CACNA1E: variants seen among roughly 807,000 people sequenced by gnomAD.
CACNA1E encodes the protein calcium voltage-gated channel subunit alpha1 E.
Under a neutral mutation model 259.2 loss-of-function variants are expected in CACNA1E, and 40 were observed. The observed-to-expected ratio is 0.15, with a 90% CI of 0.12 to 0.20. CACNA1E has a LOEUF of 0.20. CACNA1E is among the 10% of genes least tolerant of loss of function. CACNA1E has a pLI of 1.00. For synonymous variants in CACNA1E, 1,104 were observed against 1,138.5 expected (o/e 0.97, Z 0.61); for missense variants, 1,874 against 3,040.1 (o/e 0.62, Z 9.02).
intron 1 of CACNA1E, among the ~76,000 whole-genome samples, chr1:181,505,720 G>T: frequency 6.6e-6 from 1 of 151,682 alleles, no homozygotes; most frequent in East Asian, 1.9e-4. Context: ...ATGTATGCTG[G>T]TTTATTTTCT....
intron 3 of CACNA1E, among the ~76,000 whole-genome samples, chr1:181,573,531 G>A (rs1311200687): frequency 6.6e-6 from 1 of 152,164 alleles, no homozygotes; most frequent in Non-Finnish European, 1.5e-5. Flanking sequence ...TGAGAACTGG[G>A]AAGATCCCAC....
rs1656026146 is a variant in CACNA1E, at chr1:181,736,306, C to T, written c.3294C>T (p.Pro1098=). 6.2e-7 allele frequency: 1 copy of T among 1,600,208 alleles called. No homozygotes were observed. ...ACAAGACGGATGGGGAAGCCAGTCC[C>T]TTGAAGGAGGCAGAGATCAGAGAGG... ...ISNKTDGEAS[P]LKEAEIREDE... is the part of the protein sequence containing the mutation. Residue 1098 remains proline, a synonymous_variant, in exon 22 of 48, where the codon CCC becomes CCT. Transcript: ENST00000367573.
At chr1:181,520,774 A>G (rs960332895) in intron 3 of CACNA1E, among the ~76,000 whole-genome samples, 3 of 152,224 alleles carry the variant, frequency 2.0e-5, no homozygotes, top group Non-Finnish European at 2.9e-5. Flanking sequence ...TAAAAGTTGA[A>G]ACAAAGGCCT....
At chr1:181,488,448 A>G (rs774839490) in intron 1 of CACNA1E, among the ~76,000 whole-genome samples, 2 of 152,186 alleles carry the variant, frequency 1.3e-5, no homozygotes, top group Non-Finnish European at 2.9e-5. Context: ...CTGGTACTGG[A>G]GCTGTAGGAG....
At chr1:181,783,933 C>A in intron 40 of CACNA1E, 149 bp downstream of exon 40, 1 of 558,040 alleles carries the variant, frequency 1.8e-6, no homozygotes, top group Non-Finnish European at 3.3e-6. Flanking sequence ...GACTCAATAA[C>A]TAATAATTGC....
intron 7 of CACNA1E, among the ~76,000 whole-genome samples, chr1:181,698,621 G>A (rs1046739204): frequency 3.3e-5 from 5 of 151,860 alleles, no homozygotes; most frequent in Admixed American, 1.3e-4. Flanking sequence ...TGTATTGTAC[G>A]AATCCTCATG....
chr1:181,405,318 C>T (rs1179844813), intron 1 of CACNA1E, among the ~76,000 whole-genome samples: 1 of 152,180 alleles, frequency 6.6e-6, no homozygotes, highest in Non-Finnish European at 1.5e-5. Context: ...GATTTTGCAG[C>T]ATTGCAGATG....
At chr1:181,448,006 G>T (rs1660903741) in intron 2 of CACNA1E, among the ~76,000 whole-genome samples, 1 of 152,162 alleles carries the variant, frequency 6.6e-6, no homozygotes, top group Non-Finnish European at 1.5e-5. Flanking sequence ...TTAGATAAGA[G>T]ATTATGTAAT....
intron 10 of CACNA1E, among the ~76,000 whole-genome samples, chr1:181,716,650 T>A (rs1482996909): frequency 6.6e-6 from 1 of 152,164 alleles, no homozygotes; most frequent in African/African-American, 2.4e-5. Context: ...GGCAGGTTTT[T>A]CCTCCCCAGA....
rs143725912 is a variant in CACNA1E, at chr1:181,540,313, A to G, written c.512+28803A>G. 2.0e-4 allele frequency among the ~76,000 whole-genome samples: 30 copies of G among 152,190 alleles called. No homozygotes were observed. The East Asian group carries it at 5.8e-3, about 29-fold the overall frequency. On this transcript the variant is annotated intron_variant, in intron 3 of 47. Transcript: ENST00000367573. Reference sequence around the variant, plus strand: ...CTGATTCCCCTGTGTTTACTACCCTAATCTCTGTGCTCTATGGCAACATGG... The same window carrying G: ...CTGATTCCCCTGTGTTTACTACCCTGATCTCTGTGCTCTATGGCAACATGG...
At chr1:181,364,988 G>T (rs969371733) in intron 1 of CACNA1E, among the ~76,000 whole-genome samples, 3 of 152,276 alleles carry the variant, frequency 2.0e-5, no homozygotes, top group Admixed American at 2.0e-4. Flanking sequence ...GCGTTCGTTA[G>T]CCAAGCCACC....
At chr1:181,731,057 G>T in intron 18 of CACNA1E, 118 bp from the exon 19 acceptor site, 1 of 746,204 alleles carries the variant, frequency 1.3e-6, no homozygotes, top group South Asian at 1.5e-5. Context: ...CAGGCACATG[G>T]AGACCTGATG....
chr1:181,648,782 G>A (rs775397103), intron 6 of CACNA1E, among the ~76,000 whole-genome samples: 4 of 152,190 alleles, frequency 2.6e-5, no homozygotes, highest in Non-Finnish European at 5.9e-5. Flanking sequence ...TATCTTAAAA[G>A]TCACAATTTC....
intron 6 of CACNA1E, among the ~76,000 whole-genome samples, chr1:181,597,684 A>G (rs1405542666): frequency 6.6e-6 from 1 of 152,178 alleles, no homozygotes; most frequent in Non-Finnish European, 1.5e-5. Flanking sequence ...AGACTGGGCA[A>G]TTTACAAATG....
In CACNA1E at chr1:181,758,232, T is replaced by G; in HGVS notation, c.4494+121T>G. ...CTTTACCTACTTTTCCATCATTGAATCCTTTTGTGATCTTATTTTGTTCAA... is the reference window on the plus strand; with the variant it reads ...CTTTACCTACTTTTCCATCATTGAAGCCTTTTGTGATCTTATTTTGTTCAA... On this transcript the variant is annotated intron_variant, in intron 31 of 47. Coordinates refer to ENST00000367573, the MANE Select transcript of CACNA1E (RefSeq NM_001205293.3). This position sits in a 1 kb window ranked among gnomAD's most constrained non-coding sequence, Gnocchi z 4.2. The G allele has an allele frequency of 1.1e-6, 1 of 928,566 alleles. No homozygotes were observed. Among genetic ancestry groups the G allele is most frequent in the Non-Finnish European group, 1.6e-6 (1 of 615,360 alleles). The allele number at this position is 928,566 out of a possible 1,614,324, so 57.5% of individuals were successfully genotyped here. A position where few individuals can be genotyped will look rare whatever the true frequency, so the allele number is the denominator to read the frequency against.
At chr1:181,416,016 C>T (rs1468517122) in intron 2 of CACNA1E, among the ~76,000 whole-genome samples, 2 of 152,230 alleles carry the variant, frequency 1.3e-5, no homozygotes, top group Non-Finnish European at 2.9e-5. Flanking sequence ...AAGCCCAAAT[C>T]TGTCTCTCTG....
intron 43 of CACNA1E, among the ~76,000 whole-genome samples, chr1:181,790,221 C>T (rs575541979): frequency 2.9e-4 from 44 of 151,430 alleles, no homozygotes; most frequent in African/African-American, 1.0e-3. Flanking sequence ...TGCTAGCCCC[C>T]GGCAGAATAA....
intron 27 of CACNA1E, among the ~76,000 whole-genome samples, chr1:181,753,994 G>A (rs1340887706): frequency 6.6e-6 from 1 of 152,122 alleles, no homozygotes; most frequent in Non-Finnish European, 1.5e-5. Context: ...CTTCCCCCCT[G>A]GAGGAAGCAC....
At chr1:181,728,747 G>A (rs1388166341) in intron 18 of CACNA1E, among the ~76,000 whole-genome samples, 1 of 151,942 alleles carries the variant, frequency 6.6e-6, no homozygotes, top group East Asian at 1.9e-4. Context: ...TCAGGTGTGT[G>A]TGCATTTTGC....
Sources: gnomAD v4.1 joint callset for allele counts (sites outside exome capture counted in the v4.1 genomes callset) on GRCh38, gnomAD v4.1.1 for gene constraint, Gnocchi (gnomAD v3.1) non-coding constraint, MANE v1.5 for transcripts, NCBI Gene and HGNC (gene_info 2026-07-23, HGNC 2026-07-21) for gene names.